C9: variants seen among roughly 807,000 people sequenced by gnomAD.
C9 encodes the protein complement C9.
A neutral mutation model predicts 65.4 loss-of-function variants in C9; 63 were observed. The ratio of observed to expected loss-of-function variants is 0.96; its 90% CI spans 0.79 to 1.19. C9 has a LOEUF of 1.19. Among genes scored for constraint, C9 ranks in the 50% most tolerant of loss-of-function variants. The pLI is 0.00. For synonymous variants in C9, 229 were observed against 227.9 expected, an observed-to-expected ratio of 1.00 and a Z score of -0.04; for missense variants, 744 against 670.1, an observed-to-expected ratio of 1.11 and a Z score of -1.22.
At chr5:39,330,377 C>T (rs927693425) in intron 5 of C9, among the ~76,000 whole-genome samples, 2 of 152,150 alleles carry the variant, frequency 1.3e-5, no homozygotes, top group African/African-American at 4.8e-5. Flanking sequence ...GCTTCAAGAT[C>T]AGTCCTGGGC....
In C9 at chr5:39,292,991, C is replaced by T. The variant is rs146219676; in HGVS notation, c.1417-4040G>A. ...AGAAAGGAACAATGTAATGAATAAA[C>T]AAGATTTAACTGAAATGTTAAAGGG... On this transcript the variant is annotated intron_variant, in intron 9 of 10. Transcript: ENST00000263408. Among the ~76,000 whole-genome samples, 1,028 of 151,330 alleles carry T rather than the reference C, an allele frequency of 6.8e-3. 13 individuals carry two copies. Among genetic ancestry groups the T allele is most frequent in the African/African-American group, 0.024 (978 of 41,276 alleles).
At chr5:39,359,017 A>AATAT (rs58599841) in intron 1 of C9, among the ~76,000 whole-genome samples, 1 of 130,734 alleles carries the variant, frequency 7.6e-6, no homozygotes, top group East Asian at 2.7e-4. Context: ...ATAAATAAAA[A>AATAT]ATATATATAT....
chr5:39,321,693 A>G (rs1372203101), intron 5 of C9, among the ~76,000 whole-genome samples: 2 of 152,068 alleles, frequency 1.3e-5, no homozygotes, highest in East Asian at 1.9e-4. Flanking sequence ...TTAAGTGCCA[A>G]AATAGAGCAG....
At chr5:39,288,627 G>T in intron 10 of C9, 96 bp downstream of exon 10, 1 of 728,636 alleles carries the variant, frequency 1.4e-6, no homozygotes, top group South Asian at 1.5e-5. Flanking sequence ...ATAATCTAGA[G>T]ATTTAGTACA....
At chr5:39,344,971 A>T (rs1389987682) in intron 1 of C9, among the ~76,000 whole-genome samples, 4 of 152,178 alleles carry the variant, frequency 2.6e-5, no homozygotes, top group Admixed American at 1.3e-4. Flanking sequence ...AAGCAAATGC[A>T]GAGAGATTTT....
At position 39,302,919 on chromosome 5, in the gene C9, T is replaced by C. The variant is rs74657120; in HGVS notation, c.1416+3698A>G. On this transcript the variant is annotated intron_variant, in intron 9 of 10. Transcript: ENST00000263408. ...AACAAAATGAGATTAAAGAGTAATA[T>C]TTCTTATGAGTCTCATAAAGAGGAC... 7.3e-3 allele frequency among the ~76,000 whole-genome samples: 1,118 copies of C among 152,248 alleles called. 19 individuals are homozygous for C. Among genetic ancestry groups the C allele is most frequent in the African/African-American group, 0.026 (1,061 of 41,552 alleles).
intron 9 of C9, among the ~76,000 whole-genome samples, chr5:39,300,741 C>T (rs945348003): frequency 6.6e-6 from 1 of 151,964 alleles, no homozygotes; most frequent in African/African-American, 2.4e-5. Flanking sequence ...GATCCAAGTA[C>T]AAGGAGAAAT....
At chr5:39,339,958 G>A (rs1391755559) in intron 4 of C9, among the ~76,000 whole-genome samples, 1 of 152,090 alleles carries the variant, frequency 6.6e-6, no homozygotes, top group South Asian at 2.1e-4. Flanking sequence ...CGCAGATATC[G>A]TCAAATGTCT....
At chr5:39,359,369 A>G (rs1754475386) in intron 1 of C9, among the ~76,000 whole-genome samples, 1 of 151,830 alleles carries the variant, frequency 6.6e-6, no homozygotes, top group Non-Finnish European at 1.5e-5. Context: ...ATTGCACTGG[A>G]GATACAGATG....
chr5:39,325,566 A>G (rs1166996806), intron 5 of C9, among the ~76,000 whole-genome samples: 1 of 152,096 alleles, frequency 6.6e-6, no homozygotes, highest in Non-Finnish European at 1.5e-5. Context: ...TGATGTCAGG[A>G]GTTAGAGACC....
At chr5:39,353,112 C>A (rs1233478598) in intron 1 of C9, among the ~76,000 whole-genome samples, 1 of 152,168 alleles carries the variant, frequency 6.6e-6, no homozygotes, top group Non-Finnish European at 1.5e-5. Context: ...CTGTTGCTGG[C>A]TCTGAAGATG....
chr5:39,344,328 T>G (rs1027990979), intron 1 of C9, among the ~76,000 whole-genome samples: 4 of 152,154 alleles, frequency 2.6e-5, no homozygotes, highest in Non-Finnish European at 5.9e-5. Context: ...AGTCCTTAAA[T>G]GACCTGATGG....
At chr5:39,356,943 A>G (rs903594621) in intron 1 of C9, among the ~76,000 whole-genome samples, 1 of 152,190 alleles carries the variant, frequency 6.6e-6, no homozygotes, top group Non-Finnish European at 1.5e-5. Context: ...TCTTAGATGA[A>G]ATGTGTTTAT....
intron 9 of C9, among the ~76,000 whole-genome samples, chr5:39,303,576 T>C (rs1753321889): frequency 6.6e-6 from 1 of 150,474 alleles, no homozygotes; most frequent in Admixed American, 6.7e-5. Flanking sequence ...ACATATATAT[T>C]TTACCACATA....
At chr5:39,362,185 T>C (rs73078532) in intron 1 of C9, among the ~76,000 whole-genome samples, 1 of 152,152 alleles carries the variant, frequency 6.6e-6, no homozygotes, top group African/African-American at 2.4e-5. Context: ...CAGATAATTA[T>C]TTGGTCCTAA....
intron 1 of C9, among the ~76,000 whole-genome samples, chr5:39,361,781 A>C (rs1038700957): frequency 2.0e-5 from 3 of 152,210 alleles, no homozygotes; most frequent in Non-Finnish European, 4.4e-5. Context: ...TCTCATGGGC[A>C]CATTAATCTT....
chr5:39,308,143 A>T, intron 8 of C9, 87 bp downstream of exon 8: 1 of 1,221,086 alleles, frequency 8.2e-7, no homozygotes. Context: ...GAGGACAGAC[A>T]ATTAAGAGGG....
rs193122498 is a variant in C9, at chr5:39,285,152, G to A, written c.*47C>T. Reference sequence around the variant, plus strand: ...TTATCTTCAGGGGTAGGATCTGAAGGTACTAGTGTTTTCTTCTTCCACTGG... The same window carrying A: ...TTATCTTCAGGGGTAGGATCTGAAGATACTAGTGTTTTCTTCTTCCACTGG... On this transcript the variant is annotated 3_prime_UTR_variant, in exon 11 of 11. Transcript: ENST00000263408. 166 of 1,482,218 alleles carry A rather than the reference G, an allele frequency of 1.1e-4. No individual in the cohort carries two copies. Among genetic ancestry groups the A allele is most frequent in the Non-Finnish European group, 1.4e-4 (145 of 1,059,970 alleles). 91.8% of individuals were successfully genotyped at this position (1,482,218 alleles called of 1,614,324 possible). A position where few individuals can be genotyped will look rare whatever the true frequency, so the allele number is the denominator to read the frequency against.
intron 10 of C9, among the ~76,000 whole-genome samples, chr5:39,286,249 G>C (rs1752989342): frequency 6.6e-6 from 1 of 152,054 alleles, no homozygotes; most frequent in Non-Finnish European, 1.5e-5. Context: ...ATCCAGGGAA[G>C]ACGGGTTTCC....
Sources: allele counts gnomAD v4.1 joint callset (sites outside exome capture counted in the v4.1 genomes callset), GRCh38; gene constraint gnomAD v4.1.1; transcripts MANE v1.5; gene names NCBI Gene and HGNC (gene_info 2026-07-23, HGNC 2026-07-21).